Variants in TF observed in about 807,000 individuals in gnomAD.
TF encodes the protein transferrin, also known as serotransferrin.
Under a neutral mutation model 82.4 loss-of-function variants are expected in TF, and 55 were observed. The ratio of observed to expected loss-of-function variants is 0.67; its 90% CI spans 0.54 to 0.84. The LOEUF is 0.84. Among genes scored for constraint, TF ranks in the 40% least tolerant of loss-of-function variants. TF has a pLI of 0.00. For synonymous variants in TF, 332 were observed against 332.6 expected (o/e 1.00, Z 0.02); for missense variants, 737 against 868.4 (o/e 0.85, Z 1.90).
rs1362463560 is a variant in TF at position 133,783,634 on chromosome 3, A to C, written c.*5014A>C. 6.6e-6 allele frequency: 1 copy of C among 152,238 alleles called. No individual in the cohort carries two copies. The highest frequency in any genetic ancestry group is 2.4e-5 in the African/African-American group (1 of 41,472). The allele number at this position is 152,238 out of a possible 1,614,324, so 9.4% of individuals were successfully genotyped here. ...TGTAAGACAAAAATAGACAAATAAA[A>C]TGTGAAGATTTTTAAGAAAGAACAA... On this transcript the variant is annotated 3_prime_UTR_variant, in exon 17 of 17. Coordinates refer to ENST00000402696, the MANE Select transcript of TF (RefSeq NM_001063.4).
chr3:133,696,837 A>G, the TF span, among the ~76,000 whole-genome samples: 2 of 151,902 alleles, frequency 1.3e-5, no homozygotes, highest in African/African-American at 4.8e-5. Context: ...ACTTTTTCAG[A>G]ATTTTGGACA....
chr3:133,707,972 A>G, the TF span, among the ~76,000 whole-genome samples: 2 of 152,330 alleles, frequency 1.3e-5, no homozygotes, highest in African/African-American at 4.8e-5. Context: ...AAGAGATTAA[A>G]TTGTCATTAT....
At chr3:133,724,087 G>T in the TF span, among the ~76,000 whole-genome samples, 2 of 152,120 alleles carry the variant, frequency 1.3e-5, no homozygotes, top group Non-Finnish European at 2.9e-5. Flanking sequence ...CCAAGTCTTT[G>T]CTATTGTAAA....
chr3:133,766,208 T>C (rs1193917848), intron 11 of TF, 70 bp from the exon 12 acceptor site: 9 of 1,462,504 alleles, frequency 6.2e-6, no homozygotes, highest in Non-Finnish European at 8.6e-6. Context: ...CCTAGGGAAA[T>C]TGATTGGAAG....
the TF span, among the ~76,000 whole-genome samples, chr3:133,674,346 G>T: frequency 6.6e-6 from 1 of 152,326 alleles, no homozygotes; most frequent in South Asian, 2.1e-4. Context: ...CCGGGGTGCT[G>T]CCCCCTTCCC....
chr3:133,709,580 G>A, the TF span: 1 of 169,774 alleles, frequency 5.9e-6, no homozygotes, highest in East Asian at 1.6e-4. Flanking sequence ...TTTGAGGCAA[G>A]AAGTCCTGCC....
At position 133,787,839 on chromosome 3, in the gene TF, T is replaced by G. The variant is rs573536931; in HGVS notation, c.*9219T>G. 9 of 152,378 alleles carry G rather than the reference T, an allele frequency of 5.9e-5. No individual in the cohort carries two copies. Among genetic ancestry groups the G allele is most frequent in the African/African-American group, 2.2e-4 (9 of 41,594 alleles). The allele number at this position is 152,378 out of a possible 1,614,324, so 9.4% of individuals were successfully genotyped here. A position where few individuals can be genotyped will look rare whatever the true frequency, so the allele number is the denominator to read the frequency against. ...TCCACTCTCTAGATACTAAAGAGGT[T>G]GCCAATGTATGACAAAAATAGTAAA... On this transcript the variant is annotated 3_prime_UTR_variant, in exon 17 of 17. Transcript: ENST00000402696.
chr3:133,728,994 T>G, the TF span, among the ~76,000 whole-genome samples: 2 of 152,218 alleles, frequency 1.3e-5, no homozygotes, highest in African/African-American at 2.4e-5. Flanking sequence ...CGAATGCTGC[T>G]GTCTGATCGT....
chr3:133,726,493 T>C, the TF span, among the ~76,000 whole-genome samples: 644 of 152,268 alleles, frequency 4.2e-3, 4 homozygotes, highest in African/African-American at 0.014. Flanking sequence ...TCTGTGGGAT[T>C]GGTGGTGATA....
the TF span, among the ~76,000 whole-genome samples, chr3:133,664,323 C>CT: frequency 2.6e-5 from 4 of 151,620 alleles, no homozygotes; most frequent in Non-Finnish European, 5.9e-5. Context: ...CTCCCATGTA[C>CT]TTTTTTTTTC....
chr3:133,714,509 G>A, the TF span, among the ~76,000 whole-genome samples: 1 of 152,158 alleles, frequency 6.6e-6, no homozygotes. Flanking sequence ...AAATCTGGAT[G>A]AAATTGCTTA....
Position 133,764,211 on chromosome 3 carries a change from T to C in TF, c.1233T>C (p.Asp411=). 1 of 1,613,968 alleles carries C rather than the reference T, an allele frequency of 6.2e-7. No homozygotes were observed. The highest frequency in any genetic ancestry group is 8.5e-7 in the Non-Finnish European group (1 of 1,179,876). ...MNGEADAMSL[D]GGFVYIAGKC... ...GAGAAGCTGATGCCATGAGCTTGGATGGAGGGTTTGTCTACATAGCGGGCA... is the reference window on the plus strand; with the variant it reads ...GAGAAGCTGATGCCATGAGCTTGGACGGAGGGTTTGTCTACATAGCGGGCA... The change falls in exon 10 of 17, where the codon GAT becomes GAC. Residue 411 remains aspartate (D), a synonymous_variant. Transcript: ENST00000402696.
rs545552452 is a variant in TF, at chr3:133,795,546, T to G, written c.*16926T>G. 21 of 150,924 alleles carry G rather than the reference T, an allele frequency of 1.4e-4. No homozygotes were observed. The highest frequency in any genetic ancestry group is 5.1e-4 in the African/African-American group (21 of 40,944). The allele number at this position is 150,924 out of a possible 1,614,324, so 9.3% of individuals were successfully genotyped here. A position where few individuals can be genotyped will look rare whatever the true frequency, so the allele number is the denominator to read the frequency against. On this transcript the variant is annotated 3_prime_UTR_variant, in exon 17 of 17. Coordinates refer to ENST00000402696, the MANE Select transcript of TF (RefSeq NM_001063.4). The stretch of plus-strand genomic sequence containing the variant: ...AGTTTTGGTCACACTCTCACTTAAG[T>G]GAGAACCTGACCAAAAAAGTGGAAT...
At chr3:133,674,435 G>A in the TF span, among the ~76,000 whole-genome samples, 1 of 152,208 alleles carries the variant, frequency 6.6e-6, no homozygotes, top group Non-Finnish European at 1.5e-5. Context: ...CCGGTCCCAC[G>A]GAGGGCACAA....
rs1234934858 is a variant in TF, at chr3:133,764,337, G to GA, written c.1297+67dup. On this transcript the variant is annotated intron_variant, in intron 10 of 16. Coordinates refer to ENST00000402696, the MANE Select transcript of TF (RefSeq NM_001063.4). Reference sequence around the variant, plus strand: ...CTCAGGGCCATGGAGAGAGGAGATGGAAAAATCACAGTCTGATTCATACCA... The same window carrying GA: ...CTCAGGGCCATGGAGAGAGGAGATGGAAAAAATCACAGTCTGATTCATACCA... The GA allele has an allele frequency of 1.0e-5, 14 of 1,370,462 alleles. No individual in the cohort carries two copies. The African/African-American group carries it at 1.7e-4, about 17-fold the overall frequency. 84.9% of individuals were successfully genotyped at this position (1,370,462 alleles called of 1,614,324 possible). A position where few individuals can be genotyped will look rare whatever the true frequency, so the allele number is the denominator to read the frequency against.
Position 133,755,364 on chromosome 3 carries a change from A to G in TF, c.504A>G (p.Ala168=), listed in dbSNP as rs1245503924. The change falls in exon 5 of 17, where the codon GCA becomes GCG. Residue 168 remains alanine (A), a splice_region_variant and synonymous_variant. Transcript: ENST00000402696. ...LPEPRKPLEK[A]VANFFSGSCA... ...TGTCCATTTCTCTGTGCTGAGCAGC[A>G]GTGGCCAATTTCTTCTCGGGCAGCT... The G allele has an allele frequency of 6.2e-7, 1 of 1,614,172 alleles. No individual in the cohort carries two copies. The highest frequency in any genetic ancestry group is 1.1e-5 in the South Asian group (1 of 91,076).
the TF span, among the ~76,000 whole-genome samples, chr3:133,722,728 G>A: frequency 6.6e-6 from 1 of 152,140 alleles, no homozygotes; most frequent in Non-Finnish European, 1.5e-5. Context: ...TATCTATGAT[G>A]TGTTCCTCAG....
the TF span, among the ~76,000 whole-genome samples, chr3:133,718,368 C>T: frequency 3.3e-5 from 5 of 152,082 alleles, no homozygotes; most frequent in African/African-American, 4.8e-5. Flanking sequence ...GAGACCTTCC[C>T]TCCTCTGTAC....
At chr3:133,666,239 C>T in the TF span, among the ~76,000 whole-genome samples, 2 of 152,094 alleles carry the variant, frequency 1.3e-5, no homozygotes, top group Non-Finnish European at 2.9e-5. Flanking sequence ...GTGGCATGAT[C>T]TCGGCTCACT....
Sources: allele counts gnomAD v4.1 joint callset (sites outside exome capture counted in the v4.1 genomes callset), GRCh38; gene constraint gnomAD v4.1.1; transcripts MANE v1.5; gene names NCBI Gene and HGNC (gene_info 2026-07-23, HGNC 2026-07-21).